The following ATRNL1 variants were observed in gnomAD, a reference collection of about 807,000 sequenced individuals.
ATRNL1 encodes attractin like 1.
A neutral mutation model predicts 182.7 loss-of-function variants in ATRNL1; 95 were observed. That is an observed-to-expected ratio of 0.52 (90% CI 0.44 to 0.62). ATRNL1 has a LOEUF of 0.62. Among genes scored for constraint, ATRNL1 ranks in the 20% least tolerant of loss-of-function variants. ATRNL1 has a pLI of 0.00. For missense variants in ATRNL1, 1,471 were observed against 1,679.5 expected, an observed-to-expected ratio of 0.88 and a Z score of 2.17; for synonymous variants, 576 against 568.3, an observed-to-expected ratio of 1.01 and a Z score of -0.19.
At chr10:115,251,248 T>C (rs1850864252) in intron 10 of ATRNL1, among the ~76,000 whole-genome samples, 1 of 152,170 alleles carries the variant, frequency 6.6e-6, no homozygotes, top group Non-Finnish European at 1.5e-5. Flanking sequence ...GTGATACTAA[T>C]TGCTTCTACC....
chr10:115,582,012 G>A (rs1555007736), intron 26 of ATRNL1, among the ~76,000 whole-genome samples: 1 of 149,724 alleles, frequency 6.7e-6, no homozygotes, highest in African/African-American at 2.5e-5. Context: ...TTTTGTTCTT[G>A]CGATAGTTTA....
chr10:115,839,740 T>C (rs1321275262), intron 27 of ATRNL1, among the ~76,000 whole-genome samples: 1 of 152,186 alleles, frequency 6.6e-6, no homozygotes, highest in African/African-American at 2.4e-5. Flanking sequence ...GAGTTGCATT[T>C]AGCTTAAAAG....
rs1948349594 is a variant in ATRNL1, at chr10:115,748,257, C to G, written c.3903+20902C>G. Reference sequence around the variant, plus strand: ...AACATTTTGACCTCTCCTGAAGCTTCCAGGCTGTTTTATACAATGAAGGAA... The same window carrying G: ...AACATTTTGACCTCTCCTGAAGCTTGCAGGCTGTTTTATACAATGAAGGAA... On this transcript the variant is annotated intron_variant, in intron 27 of 28. Coordinates refer to ENST00000355044, the MANE Select transcript of ATRNL1 (RefSeq NM_207303.4). Among the ~76,000 whole-genome samples, 5 of 151,882 alleles carry G rather than the reference C, an allele frequency of 3.3e-5. No homozygotes were observed. The South Asian group carries it at 1.0e-3, about 31-fold the overall frequency.
chr10:115,562,163 A>C (rs1259900250), intron 26 of ATRNL1, among the ~76,000 whole-genome samples: 1 of 152,346 alleles, frequency 6.6e-6, no homozygotes, highest in East Asian at 1.9e-4. Flanking sequence ...AAGGTGATAT[A>C]TGTGTAAATG....
intron 26 of ATRNL1, among the ~76,000 whole-genome samples, chr10:115,579,952 G>A (rs1854968299): frequency 1.3e-5 from 2 of 151,972 alleles, no homozygotes; most frequent in African/African-American, 2.4e-5. Flanking sequence ...CTGCTTAGCT[G>A]ATAACAGCTT....
chr10:115,107,482 C>T (rs192755995), intron 1 of ATRNL1, among the ~76,000 whole-genome samples: 1 of 152,326 alleles, frequency 6.6e-6, no homozygotes, highest in African/African-American at 2.4e-5. Context: ...CTCAGGCAGC[C>T]CAGCCCTTAG....
chr10:115,155,263 A>T (rs1485445552), intron 5 of ATRNL1, among the ~76,000 whole-genome samples: 1 of 151,182 alleles, frequency 6.6e-6, no homozygotes, highest in African/African-American at 2.4e-5. Context: ...CCATTCAGTC[A>T]GTCTGTGTTT....
At chr10:115,511,843 C>T (rs17802381) in intron 24 of ATRNL1, among the ~76,000 whole-genome samples, 58,382 of 151,564 alleles carry the variant, frequency 0.39, 12,316 homozygotes, top group Middle Eastern at 0.49. Flanking sequence ...ATCAGGGTTA[C>T]TGTAGTTTCA....
intron 26 of ATRNL1, among the ~76,000 whole-genome samples, chr10:115,576,356 A>T (rs1302605814): frequency 6.6e-6 from 1 of 152,064 alleles, no homozygotes; most frequent in Non-Finnish European, 1.5e-5. Context: ...TGTTTCAATT[A>T]ATAGTGTACA....
chr10:115,929,412 CTT>C (rs1291546166), intron 28 of ATRNL1, among the ~76,000 whole-genome samples: 1 of 152,030 alleles, frequency 6.6e-6, no homozygotes, highest in Non-Finnish European at 1.5e-5. Context: ...CTCATCCTAT[CTT>C]ATATTTATGT....
chr10:115,550,190 C>T (rs1852887065), intron 26 of ATRNL1, among the ~76,000 whole-genome samples: 1 of 151,680 alleles, frequency 6.6e-6, no homozygotes, highest in African/African-American at 2.4e-5. Context: ...CAAAAGTATG[C>T]AGTAGATTTA....
intron 8 of ATRNL1, among the ~76,000 whole-genome samples, chr10:115,202,750 A>G (rs1848635363): frequency 1.4e-5 from 2 of 146,666 alleles, no homozygotes; most frequent in Non-Finnish European, 3.0e-5. Flanking sequence ...GCCTCATAAA[A>G]TGAGTTAGGG....
intron 26 of ATRNL1, among the ~76,000 whole-genome samples, chr10:115,625,193 T>C (rs1453558263): frequency 6.6e-6 from 1 of 152,166 alleles, no homozygotes; most frequent in Non-Finnish European, 1.5e-5. Context: ...TATAAATATA[T>C]TTGGAACAGT....
chr10:115,604,301 A>G (rs1034028267), intron 26 of ATRNL1, among the ~76,000 whole-genome samples: 1 of 152,152 alleles, frequency 6.6e-6, no homozygotes, highest in African/African-American at 2.4e-5. Flanking sequence ...GAACTTTATT[A>G]TGATAGAACA....
chr10:115,819,489 T>C (rs1950242471), intron 27 of ATRNL1, among the ~76,000 whole-genome samples: 2 of 152,124 alleles, frequency 1.3e-5, no homozygotes. Flanking sequence ...TTGACTCTTC[T>C]TCCTCACCGC....
At chr10:115,136,394 C>T (rs1554876707) in intron 5 of ATRNL1, among the ~76,000 whole-genome samples, 1 of 152,194 alleles carries the variant, frequency 6.6e-6, no homozygotes, top group East Asian at 1.9e-4. Context: ...TTATCAGTAT[C>T]TCCCACCAGA....
chr10:115,461,936 T>G lies in ATRNL1; in HGVS notation c.3323-5T>G. 1 of 1,604,858 alleles carries G rather than the reference T, an allele frequency of 6.2e-7. No homozygotes were observed. The highest frequency in any genetic ancestry group is 8.5e-7 in the Non-Finnish European group (1 of 1,175,486). On this transcript the variant is annotated splice_polypyrimidine_tract_variant and splice_region_variant and intron_variant, in intron 21 of 28. Transcript: ENST00000355044. ...TCAGGATTGTACTTTTTTTCCTCCC[T>G]ACAGACAGCCTTTTGATTGATTATC...
chr10:115,135,629 A>C (rs113508937), intron 5 of ATRNL1, among the ~76,000 whole-genome samples: 5,526 of 152,344 alleles, frequency 0.036, 144 homozygotes, highest in Non-Finnish European at 0.059. Flanking sequence ...TTTATAGATC[A>C]GTGCCATCCC....
intron 24 of ATRNL1, among the ~76,000 whole-genome samples, chr10:115,477,658 CTTTG>C (rs1478957641): frequency 1.5e-4 from 23 of 151,456 alleles, no homozygotes; most frequent in African/African-American, 5.6e-4. Flanking sequence ...AGAAATAATT[CTTTG>C]TTTGGTCAGG....
Sources: allele counts gnomAD v4.1 joint callset (sites outside exome capture counted in the v4.1 genomes callset), GRCh38; gene constraint gnomAD v4.1.1; transcripts MANE v1.5; gene names NCBI Gene and HGNC (gene_info 2026-07-23, HGNC 2026-07-21).